The following SLC12A2 variants were observed in gnomAD, a reference collection of about 807,000 sequenced individuals.
The protein encoded by SLC12A2 is solute carrier family 12 member 2.
Under a neutral mutation model 136.3 loss-of-function variants are expected in SLC12A2, and 67 were observed. That is an observed-to-expected ratio of 0.49 (90% CI 0.40 to 0.60). The LOEUF is 0.60. Ranked by LOEUF, SLC12A2 falls within the 20% of genes least tolerant of loss-of-function variation. The probability of loss-of-function intolerance (pLI) is 0.00; values close to 1 mark genes in which losing one functional copy is unlikely to be tolerated. For synonymous variants in SLC12A2, 619 were observed against 562.9 expected, an observed-to-expected ratio of 1.10 and a Z score of -1.41; for missense variants, 1,322 against 1,534.7, an observed-to-expected ratio of 0.86 and a Z score of 2.32.
intron 4 of SLC12A2, among the ~76,000 whole-genome samples, chr5:128,118,409 T>G (rs1455706550): frequency 6.6e-6 from 1 of 152,182 alleles, no homozygotes; most frequent in East Asian, 1.9e-4. Context: ...AATGAAATAA[T>G]GGCATTTGCG....
At chr5:128,132,860 TTACTC>T (rs765163510) in intron 5 of SLC12A2, among the ~76,000 whole-genome samples, 37 of 152,264 alleles carry the variant, frequency 2.4e-4, no homozygotes, top group Non-Finnish European at 4.9e-4. Flanking sequence ...AGTTTAAGGT[TTACTC>T]TATGAAGTCT....
At chr5:128,164,818 G>T (rs934983637) in intron 17 of SLC12A2, among the ~76,000 whole-genome samples, 42 of 148,206 alleles carry the variant, frequency 2.8e-4, no homozygotes, top group African/African-American at 1.0e-3. Context: ...TAGCAATTAA[G>T]TATCTAGCTT....
intron 1 of SLC12A2, among the ~76,000 whole-genome samples, chr5:128,098,229 A>G (rs957053793): frequency 2.0e-5 from 3 of 152,072 alleles, no homozygotes; most frequent in Admixed American, 6.6e-5. Context: ...CCATTCTGCT[A>G]TTAAGTCCAC....
At position 128,084,062 on chromosome 5, in the gene SLC12A2, C is replaced by T. The variant is rs928525203; in HGVS notation, c.108C>T (p.Gly36=). 7.6e-7 allele frequency: 1 copy of T among 1,308,348 alleles called. No homozygotes were observed. The highest frequency in any genetic ancestry group is 9.7e-7 in the Non-Finnish European group (1 of 1,032,314). The allele number at this position is 1,308,348 out of a possible 1,614,324, so 81.0% of individuals were successfully genotyped here. A position where few individuals can be genotyped will look rare whatever the true frequency, so the allele number is the denominator to read the frequency against. ...CCGCAGCCAGGGTGGAACTGCCCGGCACGGCTGTGCCCTCGGTGCCGGAGG... is the reference window on the plus strand; with the variant it reads ...CCGCAGCCAGGGTGGAACTGCCCGGTACGGCTGTGCCCTCGGTGCCGGAGG... ...ALAAARVELP[G]TAVPSVPEDA... Residue 36 remains glycine (G), a synonymous_variant, in exon 1 of 27, where the codon GGC becomes GGT. Coordinates refer to ENST00000262461, the MANE Select transcript of SLC12A2 (RefSeq NM_001046.3). This position sits in a 1 kb window ranked among gnomAD's most constrained non-coding sequence, Gnocchi z 5.6.
At chr5:128,179,633 G>C (rs1427980422) in intron 22 of SLC12A2, among the ~76,000 whole-genome samples, 1 of 152,108 alleles carries the variant, frequency 6.6e-6, no homozygotes, top group Non-Finnish European at 1.5e-5. Flanking sequence ...GAAAGCAAGA[G>C]TGAGAGAGTC....
At chr5:128,112,568 G>A (rs575488160) in intron 1 of SLC12A2, among the ~76,000 whole-genome samples, 121 of 152,144 alleles carry the variant, frequency 8.0e-4, no homozygotes, top group Non-Finnish European at 1.4e-3. Context: ...GCTAGAATTT[G>A]GAATTATTAA....
At chr5:128,087,598 A>G (rs1760148541) in intron 1 of SLC12A2, among the ~76,000 whole-genome samples, 1 of 152,220 alleles carries the variant, frequency 6.6e-6, no homozygotes, top group African/African-American at 2.4e-5. Flanking sequence ...ATATTAACAT[A>G]ACTAAAAGGA....
At chr5:128,179,812 G>A (rs1439527124) in intron 22 of SLC12A2, among the ~76,000 whole-genome samples, 9 of 152,124 alleles carry the variant, frequency 5.9e-5, no homozygotes, top group African/African-American at 1.7e-4. Context: ...TGAGATTTGG[G>A]TAGGGGCTGA....
At chr5:128,125,413 T>G (rs1761750733) in intron 4 of SLC12A2, among the ~76,000 whole-genome samples, 2 of 152,172 alleles carry the variant, frequency 1.3e-5, no homozygotes, top group African/African-American at 4.8e-5. Flanking sequence ...TGTTCAATGA[T>G]GAGGAGCATC....
intron 1 of SLC12A2, among the ~76,000 whole-genome samples, chr5:128,099,667 C>A (rs1760674979): frequency 6.6e-6 from 1 of 151,948 alleles, no homozygotes; most frequent in African/African-American, 2.4e-5. Flanking sequence ...TTCTACAAAC[C>A]TTTTTCTATT....
chr5:128,178,601 T>G lies in SLC12A2; in HGVS notation c.3012T>G (p.Ala1004=). Residue 1004 remains alanine, a synonymous_variant, in exon 22 of 27, where the codon GCT becomes GCG. Transcript: ENST00000262461. ...GCCCTATTGTGCCTTTAAATGTAGC[T>G]GACCAAAAGCTTCTTGAAGCTAGTA... is the stretch of plus-strand genomic sequence containing the variant. The part of the protein sequence containing the change: ...SKGPIVPLNV[A]DQKLLEASTQ... 2 of 1,600,242 alleles carry G rather than the reference T, an allele frequency of 1.2e-6. No homozygotes were observed. The highest frequency in any genetic ancestry group is 1.7e-6 in the Non-Finnish European group (2 of 1,173,894).
At chr5:128,139,338 C>T (rs1472308849) in intron 9 of SLC12A2, among the ~76,000 whole-genome samples, 1 of 150,460 alleles carries the variant, frequency 6.6e-6, no homozygotes, top group Non-Finnish European at 1.5e-5. Flanking sequence ...CAATTTTTTA[C>T]TATAAAAACA....
intron 1 of SLC12A2, among the ~76,000 whole-genome samples, chr5:128,086,023 A>C (rs1477323936): frequency 1.3e-5 from 2 of 152,204 alleles, no homozygotes; most frequent in Non-Finnish European, 2.9e-5. Flanking sequence ...TCAAAACTCA[A>C]AAATCATTGT....
chr5:128,085,592 A>G (rs73335395), intron 1 of SLC12A2, among the ~76,000 whole-genome samples: 101 of 152,282 alleles, frequency 6.6e-4, no homozygotes, highest in African/African-American at 2.2e-3. Context: ...AGATTTCGTT[A>G]ATGTTTAACT....
rs199794346 is a variant in SLC12A2, at chr5:128,106,367, C to CT, written c.757-6441dup. Among the ~76,000 whole-genome samples the CT allele has an allele frequency of 5.6e-3, 856 of 152,222 alleles. 3 individuals carry two copies. The highest frequency in any genetic ancestry group is 0.024 in the Middle Eastern group (7 of 294). On this transcript the variant is annotated intron_variant, in intron 1 of 26. Transcript: ENST00000262461. The stretch of plus-strand genomic sequence containing the variant: ...CCTCCTTGATTATACAGTTTTTATA[C>CT]TTTTTTGTGTGTGTGGACCAAATAC...
intron 23 of SLC12A2, among the ~76,000 whole-genome samples, chr5:128,181,809 T>C (rs896485321): frequency 6.6e-6 from 1 of 152,054 alleles, no homozygotes; most frequent in African/African-American, 2.4e-5. Context: ...AGGCTTTTAC[T>C]CCTTTGCCTC....
chr5:128,095,152 T>C (rs182845228), intron 1 of SLC12A2, among the ~76,000 whole-genome samples: 9 of 152,282 alleles, frequency 5.9e-5, no homozygotes, highest in Admixed American at 5.9e-4. Context: ...GAACATTAGG[T>C]TCTCAATGAA....
intron 1 of SLC12A2, chr5:128,110,979 G>C (rs1325512674): frequency 1.3e-6 from 1 of 786,956 alleles, no homozygotes; most frequent in Non-Finnish European, 2.3e-6. Flanking sequence ...ATAGGAAAAA[G>C]ACCAAAGATG....
rs552872455 is a variant in SLC12A2, at chr5:128,173,071, T to C, written c.2803+1325T>C. Among the ~76,000 whole-genome samples, 22 of 152,246 alleles carry C rather than the reference T, an allele frequency of 1.4e-4. 1 individual carries two copies. Among genetic ancestry groups the C allele is most frequent in the Admixed American group, 5.9e-4 (9 of 15,294 alleles). ...CTTAAGAAAATTTACATATATAACA[T>C]ATTACCCCTATCAATTAATTAACCA... On this transcript the variant is annotated intron_variant, in intron 19 of 26. Coordinates refer to ENST00000262461, the MANE Select transcript of SLC12A2 (RefSeq NM_001046.3).
Sources: allele counts gnomAD v4.1 joint callset (sites outside exome capture counted in the v4.1 genomes callset), GRCh38; gene constraint gnomAD v4.1.1; non-coding constraint Gnocchi (gnomAD v3.1); transcripts MANE v1.5; gene names NCBI Gene and HGNC (gene_info 2026-07-23, HGNC 2026-07-21).